ATG16L1: variants seen among roughly 807,000 people sequenced by gnomAD.
ATG16L1 encodes the protein autophagy related 16 like 1.
ATG16L1 carries 37 observed loss-of-function variants against 88.5 expected under a neutral mutation model. The observed-to-expected ratio is 0.42, with a 90% CI of 0.32 to 0.55. The LOEUF is 0.55. Among genes scored for constraint, ATG16L1 ranks in the 20% least tolerant of loss-of-function variants. ATG16L1 has a pLI of 0.13. For missense variants in ATG16L1, 554 were observed against 752.8 expected, an observed-to-expected ratio of 0.74 and a Z score of 3.09; for synonymous variants, 301 against 281.0, an observed-to-expected ratio of 1.07 and a Z score of -0.71.
At chr2:233,264,135 G>A (rs1419953849) in intron 4 of ATG16L1, 70 bp downstream of exon 4, 3 of 1,532,582 alleles carry the variant, frequency 2.0e-6, no homozygotes, top group Non-Finnish European at 2.7e-6. Context: ...CTGACCTCTT[G>A]TGAGCAGGGC....
chr2:233,253,340 G>GTGT (rs1696533486), intron 1 of ATG16L1, among the ~76,000 whole-genome samples: 1 of 108,660 alleles, frequency 9.2e-6, no homozygotes, highest in African/African-American at 3.6e-5. Context: ...GGGTTTTTTT[G>GTGT]TTTTTTTTTT....
chr2:233,292,651 T>C (rs1048408932), intron 16 of ATG16L1, among the ~76,000 whole-genome samples: 1 of 152,234 alleles, frequency 6.6e-6, no homozygotes, highest in African/African-American at 2.4e-5. Context: ...TACCAAAAAA[T>C]AACAGTTGGC....
intron 5 of ATG16L1, 90 bp downstream of exon 5, chr2:233,265,233 T>C (rs1319867714): frequency 6.8e-7 from 1 of 1,478,580 alleles, no homozygotes; most frequent in Middle Eastern, 1.8e-4. Context: ...TGGCAGTTAC[T>C]ACAGGAGGTT....
intron 2 of ATG16L1, among the ~76,000 whole-genome samples, chr2:233,262,458 C>G (rs983677390): frequency 6.6e-6 from 1 of 152,186 alleles, no homozygotes; most frequent in African/African-American, 2.4e-5. Context: ...ATCATTTCCC[C>G]ACCTCGTCCT....
chr2:233,284,495 C>G (rs547223974), intron 12 of ATG16L1, among the ~76,000 whole-genome samples: 7 of 152,066 alleles, frequency 4.6e-5, no homozygotes, highest in Non-Finnish European at 1.0e-4. Context: ...CCACACCTGG[C>G]TAATTTTTTT....
rs1699721724 is a variant in ATG16L1, at chr2:233,295,151, A to G, written c.*801A>G. Reference sequence around the variant, plus strand: ...GGGTGCCAAGGGATTCGAGACCTCCAACATACTTGTCTGAAGGTGGTGATT... The same window carrying G: ...GGGTGCCAAGGGATTCGAGACCTCCGACATACTTGTCTGAAGGTGGTGATT... On this transcript the variant is annotated 3_prime_UTR_variant, in exon 18 of 18. Coordinates refer to ENST00000392017, the MANE Select transcript of ATG16L1 (RefSeq NM_030803.7). 6.5e-6 allele frequency: 1 copy of G among 152,734 alleles called. No homozygotes were observed. The highest frequency in any genetic ancestry group is 2.4e-5 in the African/African-American group (1 of 41,442). 9.5% of individuals were successfully genotyped at this position (152,734 alleles called of 1,614,324 possible). A position where few individuals can be genotyped will look rare whatever the true frequency, so the allele number is the denominator to read the frequency against.
At chr2:233,258,453 C>G (rs1445214249) in intron 2 of ATG16L1, among the ~76,000 whole-genome samples, 3 of 152,162 alleles carry the variant, frequency 2.0e-5, no homozygotes, top group African/African-American at 7.2e-5. Flanking sequence ...TGTAACAGTT[C>G]AGGAGATCCT....
intron 5 of ATG16L1, among the ~76,000 whole-genome samples, chr2:233,265,716 C>T (rs1415935926): frequency 1.3e-5 from 2 of 152,178 alleles, no homozygotes; most frequent in African/African-American, 4.8e-5. Context: ...GATCCACCCG[C>T]CTCGGCCTCC....
intron 9 of ATG16L1, among the ~76,000 whole-genome samples, chr2:233,276,490 T>C (rs757283044): frequency 2.0e-5 from 3 of 152,186 alleles, no homozygotes; most frequent in Admixed American, 6.5e-5. Context: ...CATTCTAGAA[T>C]GGGATGCTGA....
chr2:233,257,357 G>T (rs1423023299), intron 2 of ATG16L1, among the ~76,000 whole-genome samples: 2 of 152,136 alleles, frequency 1.3e-5, no homozygotes, highest in African/African-American at 4.8e-5. Context: ...CTTTATAATG[G>T]TGCAGAAGCG....
rs34087184 is a variant in ATG16L1, at chr2:233,286,621, C to CAT, written c.1204-3233_1204-3232insAT. ...AGAATAAGGTGAGCAGAAGCCCAAACTTTTTTTTTTTTTTTTTTTTTTGAG... is the reference window on the plus strand; with the variant it reads ...AGAATAAGGTGAGCAGAAGCCCAAACATTTTTTTTTTTTTTTTTTTTTTTGAG... On this transcript the variant is annotated intron_variant, in intron 12 of 17. Coordinates refer to ENST00000392017, the MANE Select transcript of ATG16L1 (RefSeq NM_030803.7). Among the ~76,000 whole-genome samples, 6 of 93,294 alleles carry CAT rather than the reference C, an allele frequency of 6.4e-5. 1 individual carries two copies. Among genetic ancestry groups the CAT allele is most frequent in the Non-Finnish European group, 2.0e-5 (1 of 50,102 alleles). 61.2% of individuals were successfully genotyped at this position (93,294 alleles called of 152,430 possible).
chr2:233,283,571 C>CT, intron 12 of ATG16L1, among the ~76,000 whole-genome samples: 1 of 140,866 alleles, frequency 7.1e-6, no homozygotes, highest in African/African-American at 2.6e-5. Context: ...TTTTTTTTTT[C>CT]TTTTGAGATG....
chr2:233,279,092 C>G (rs557026451), intron 10 of ATG16L1, among the ~76,000 whole-genome samples: 8 of 152,166 alleles, frequency 5.3e-5, no homozygotes, highest in African/African-American at 1.4e-4. Context: ...GTGGGAAGAT[C>G]AATTGAGCCC....
intron 11 of ATG16L1, among the ~76,000 whole-genome samples, chr2:233,282,334 T>C (rs1372704396): frequency 6.6e-6 from 1 of 152,134 alleles, no homozygotes; most frequent in African/African-American, 2.4e-5. Flanking sequence ...GTTGGGAGAT[T>C]AGGCAAGGAG....
At chr2:233,265,826 A>C (rs180781879) in intron 5 of ATG16L1, 6 of 152,196 alleles carry the variant, frequency 3.9e-5, no homozygotes, top group Non-Finnish European at 8.8e-5. Flanking sequence ...TTTAAGATAA[A>C]TCTGAAACCT....
Position 233,294,398 on chromosome 2 carries a change from C to A in ATG16L1, c.*48C>A. The A allele has an allele frequency of 6.8e-7, 1 of 1,478,024 alleles. No homozygotes were observed. Among genetic ancestry groups the A allele is most frequent in the Non-Finnish European group, 9.4e-7 (1 of 1,062,506 alleles). 91.6% of individuals were successfully genotyped at this position (1,478,024 alleles called of 1,614,324 possible). On this transcript the variant is annotated 3_prime_UTR_variant, in exon 18 of 18. Coordinates refer to ENST00000392017, the MANE Select transcript of ATG16L1 (RefSeq NM_030803.7). ...ACCCCAGTGCCCTCCTCAGAAGAAG[C>A]ACATGGGCTCCTGCAGCCCTGTCCT...
chr2:233,254,249 G>A (rs1696622107), intron 1 of ATG16L1, among the ~76,000 whole-genome samples: 1 of 152,212 alleles, frequency 6.6e-6, no homozygotes, highest in South Asian at 2.1e-4. Flanking sequence ...CTAGAGTAGC[G>A]AGTAATACCT....
rs112952279 is a variant in ATG16L1, at chr2:233,292,260, T to C, written c.1563T>C (p.Ala521=). The C allele has an allele frequency of 3.1e-6, 5 of 1,614,238 alleles. No individual in the cohort carries two copies. In the East Asian group the frequency reaches 8.9e-5, roughly 29 times the overall value. The change falls in exon 15 of 18, where the codon GCT becomes GCC. Residue 521 remains alanine, a synonymous_variant. Coordinates refer to ENST00000392017, the MANE Select transcript of ATG16L1 (RefSeq NM_030803.7). ...LLKVIDLRTN[A]IKQTFSAPGF... is the part of the protein sequence containing the mutation. ...AAGTTATTGATCTCCGAACAAATGCTATCAAGCAGACATTCAGGTAACTGA... is the reference window on the plus strand; with the variant it reads ...AAGTTATTGATCTCCGAACAAATGCCATCAAGCAGACATTCAGGTAACTGA...
intron 3 of ATG16L1, among the ~76,000 whole-genome samples, chr2:233,263,685 A>G (rs1381371878): frequency 6.6e-6 from 1 of 152,244 alleles, no homozygotes; most frequent in African/African-American, 2.4e-5. Flanking sequence ...GTTCACCATC[A>G]GTACAGCTGA....
Sources: gnomAD v4.1 joint callset for allele counts (sites outside exome capture counted in the v4.1 genomes callset) on GRCh38, gnomAD v4.1.1 for gene constraint, MANE v1.5 for transcripts, NCBI Gene and HGNC (gene_info 2026-07-23, HGNC 2026-07-21) for gene names.